DYNC2LI1: variants seen among roughly 807,000 people sequenced by gnomAD.
The protein encoded by DYNC2LI1 is dynein cytoplasmic 2 light intermediate chain 1, also known as cytoplasmic dynein 2 light intermediate chain 1.
Under a neutral mutation model 51.9 loss-of-function variants are expected in DYNC2LI1, and 45 were observed. The ratio of observed to expected loss-of-function variants is 0.87; its 90% CI spans 0.68 to 1.11. DYNC2LI1 has a LOEUF of 1.11. Ranked by LOEUF, DYNC2LI1 falls within the 50% of genes most tolerant of loss-of-function variation. The pLI, the probability that DYNC2LI1 is intolerant of heterozygous loss-of-function variation, is 0.00. For synonymous variants in DYNC2LI1, 130 were observed against 137.8 expected, an observed-to-expected ratio of 0.94 and a Z score of 0.40; for missense variants, 490 against 417.4, an observed-to-expected ratio of 1.17 and a Z score of -1.51.
chr2:43,786,401 T>C (rs1291393487), intron 3 of DYNC2LI1, among the ~76,000 whole-genome samples: 1 of 152,034 alleles, frequency 6.6e-6, no homozygotes, highest in Non-Finnish European at 1.5e-5. Flanking sequence ...AGGCCAGTCT[T>C]AAACTCATGG....
chr2:43,803,841 G>A (rs1666150364), intron 10 of DYNC2LI1, among the ~76,000 whole-genome samples: 1 of 152,046 alleles, frequency 6.6e-6, no homozygotes, highest in South Asian at 2.1e-4. Context: ...TAGAAAGATG[G>A]GAAATATCCA....
chr2:43,823,402 G>C, the DYNC2LI1 span, among the ~76,000 whole-genome samples: 2 of 151,430 alleles, frequency 1.3e-5, no homozygotes, highest in Non-Finnish European at 2.9e-5. Context: ...CTTCACAATA[G>C]CGAAGTCCTT....
At chr2:43,783,975 A>G (rs1449290177) in intron 3 of DYNC2LI1, among the ~76,000 whole-genome samples, 1 of 152,170 alleles carries the variant, frequency 6.6e-6, no homozygotes, top group Non-Finnish European at 1.5e-5. Flanking sequence ...TATTTTATAT[A>G]TTTCCTAACG....
intron 11 of DYNC2LI1, 67 bp downstream of exon 11, chr2:43,804,806 C>G: frequency 1.1e-6 from 1 of 923,942 alleles, no homozygotes; most frequent in Non-Finnish European, 1.6e-6. Context: ...GGAAATGTGT[C>G]AAAGGGCTTA....
In DYNC2LI1 at chr2:43,778,952, T is replaced by G. The variant is rs575655206; in HGVS notation, c.126+2053T>G. On this transcript the variant is annotated intron_variant, in intron 2 of 12. Transcript: ENST00000260605. ...ATATCTAAAACTTTTGAGGGTATTA[T>G]TCTTTAAAAAGTCTGTGATTCTGCT... 1.8e-4 allele frequency among the ~76,000 whole-genome samples: 28 copies of G among 152,284 alleles called. No homozygotes were observed. The East Asian group carries it at 4.4e-3, about 24-fold the overall frequency.
chr2:43,785,777 C>A (rs1303898290), intron 3 of DYNC2LI1, among the ~76,000 whole-genome samples: 2 of 151,488 alleles, frequency 1.3e-5, no homozygotes, highest in Non-Finnish European at 2.9e-5. Flanking sequence ...AATAATCAAA[C>A]TCAGAAACAA....
At chr2:43,823,445 G>A in the DYNC2LI1 span, among the ~76,000 whole-genome samples, 2 of 152,088 alleles carry the variant, frequency 1.3e-5, no homozygotes, top group African/African-American at 2.4e-5. Flanking sequence ...TGCCTTTGGG[G>A]AATCCCTCTA....
intron 4 of DYNC2LI1, 68 bp downstream of exon 4, chr2:43,787,318 A>G (rs1412074943): frequency 1.5e-6 from 2 of 1,307,506 alleles, no homozygotes; most frequent in Non-Finnish European, 2.2e-6. Flanking sequence ...ACTTTGTTTT[A>G]CATTTTCCAT....
chr2:43,801,863 T>C (rs1252246339), intron 10 of DYNC2LI1, among the ~76,000 whole-genome samples, 154 bp downstream of exon 10: 3 of 152,188 alleles, frequency 2.0e-5, no homozygotes, highest in East Asian at 1.9e-4. Context: ...CCAGTATTAA[T>C]GTAACATGCA....
intron 2 of DYNC2LI1, among the ~76,000 whole-genome samples, chr2:43,783,058 C>G (rs896071789): frequency 7.2e-5 from 11 of 152,292 alleles, no homozygotes; most frequent in African/African-American, 2.6e-4. Context: ...ACAAATTACT[C>G]TAATGCAGTA....
intron 2 of DYNC2LI1, among the ~76,000 whole-genome samples, chr2:43,782,770 C>T (rs970174605): frequency 2.0e-5 from 3 of 151,906 alleles, no homozygotes; most frequent in African/African-American, 7.3e-5. Context: ...TTAGATGAGG[C>T]CAGGAGTTCA....
chr2:43,815,852 T>C, the DYNC2LI1 span, among the ~76,000 whole-genome samples: 1 of 142,996 alleles, frequency 7.0e-6, no homozygotes, highest in Non-Finnish European at 1.5e-5. Context: ...TCTGAGAAAA[T>C]TAACGTGACT....
At chr2:43,825,089 C>A in the DYNC2LI1 span, 1 of 1,580,842 alleles carries the variant, frequency 6.3e-7, no homozygotes, top group Non-Finnish European at 8.6e-7. Context: ...TCTCTGGGAA[C>A]ACTGATGCAG....
At chr2:43,813,319 A>G (rs758463400), downstream of DYNC2LI1, 32 of 1,589,228 alleles carry the variant, frequency 2.0e-5, no homozygotes, top group Non-Finnish European at 2.5e-5. Context: ...CCTGTCAAGG[A>G]AAAGATTGAC....
At chr2:43,796,827 T>C in intron 8 of DYNC2LI1, 32 bp downstream of exon 8, 1 of 1,566,294 alleles carries the variant, frequency 6.4e-7, no homozygotes, top group South Asian at 1.1e-5. Context: ...TGGGCTTGAA[T>C]GGACAGTACC....
chr2:43,795,625 A>T (rs1461077365), intron 6 of DYNC2LI1, among the ~76,000 whole-genome samples: 1 of 152,220 alleles, frequency 6.6e-6, no homozygotes, highest in Non-Finnish European at 1.5e-5. Context: ...CAGGAAGGTA[A>T]TATGTTATAT....
At chr2:43,778,468 G>A (rs892081369) in intron 2 of DYNC2LI1, among the ~76,000 whole-genome samples, 19 of 152,054 alleles carry the variant, frequency 1.2e-4, no homozygotes, top group Admixed American at 9.8e-4. Context: ...ATTATTTCAC[G>A]AGTTTACTAT....
chr2:43,789,691 T>G lies in DYNC2LI1; in HGVS notation c.290T>G (p.Ile97Ser). 1 of 1,613,922 alleles carries G rather than the reference T, an allele frequency of 6.2e-7. No homozygotes were observed. Among genetic ancestry groups the G allele is most frequent in the Non-Finnish European group, 8.5e-7 (1 of 1,179,902 alleles). The change falls in exon 5 of 13, where the codon ATC (isoleucine) becomes AGC (serine). Residue 97 changes from isoleucine to serine, a missense_variant. Ile to Ser is a moderately radical substitution (Grantham distance 142, BLOSUM62 -2). Transcript: ENST00000260605. The stretch of plus-strand genomic sequence containing the variant: ...GGAGGAACCTCTTTATTGGACTTAA[T>G]CAGCATACCCATCACAGGTGACACC... ...LGGGTSLLDL[I>S]SIPITGDTLR...
intron 10 of DYNC2LI1, among the ~76,000 whole-genome samples, chr2:43,804,083 T>G (rs1311051910): frequency 6.6e-6 from 1 of 152,214 alleles, no homozygotes; most frequent in African/African-American, 2.4e-5. Context: ...CCCTTTTTAT[T>G]CAATATACCC....
Sources: allele counts gnomAD v4.1 joint callset (sites outside exome capture counted in the v4.1 genomes callset), GRCh38; gene constraint gnomAD v4.1.1; transcripts MANE v1.5; gene names NCBI Gene and HGNC (gene_info 2026-07-23, HGNC 2026-07-21).